Variants in ARID1B observed in about 807,000 individuals in gnomAD.
ARID1B encodes AT-rich interactive domain-containing protein 1B.
In ARID1B, 30 loss-of-function variants were observed where a neutral mutation model predicts 212.3. The ratio of observed to expected loss-of-function variants is 0.14; its 90% CI spans 0.11 to 0.19. The LOEUF (loss-of-function observed/expected upper bound fraction) is 0.19, where lower values mean the gene tolerates loss of function less well. Ranked by LOEUF, ARID1B falls within the 10% of genes least tolerant of loss-of-function variation. The pLI, the probability that ARID1B is intolerant of heterozygous loss-of-function variation, is 1.00. For missense variants in ARID1B, 2,891 were observed against 3,204.0 expected, an observed-to-expected ratio of 0.90 and a Z score of 2.36; for synonymous variants, 1,402 against 1,301.7, an observed-to-expected ratio of 1.08 and a Z score of -1.66.
intron 2 of ARID1B, among the ~76,000 whole-genome samples, chr6:156,858,878 G>A (rs1316212341): frequency 6.6e-6 from 1 of 152,190 alleles, no homozygotes; most frequent in Non-Finnish European, 1.5e-5. Context: ...TGGTTCACCT[G>A]TGTAGGGCAC....
rs574321320 is a variant in ARID1B, at chr6:156,948,272, C to T, written c.2247+12696C>T. ...AGACAGAGTCTTGCTCTGTCACCTA[C>T]GCTGGAGTGCAAGGGCATGATCATA... On this transcript the variant is annotated intron_variant, in intron 4 of 19. Transcript: ENST00000636930. Among the ~76,000 whole-genome samples, 19 of 152,300 alleles carry T rather than the reference C, an allele frequency of 1.2e-4. No individual in the cohort carries two copies. The East Asian group carries it at 3.5e-3, about 28-fold the overall frequency.
At chr6:156,802,483 T>A (rs1481123797) in intron 1 of ARID1B, among the ~76,000 whole-genome samples, 2 of 152,216 alleles carry the variant, frequency 1.3e-5, no homozygotes, top group Non-Finnish European at 2.9e-5. Flanking sequence ...AATCATATAC[T>A]TTTTAGTTTT....
intron 3 of ARID1B, among the ~76,000 whole-genome samples, chr6:156,914,045 G>A (rs1428247326): frequency 7.5e-5 from 7 of 93,028 alleles, no homozygotes; most frequent in Non-Finnish European, 2.1e-5. Flanking sequence ...CTCTACTCCC[G>A]AACTGCCAGC....
intron 2 of ARID1B, among the ~76,000 whole-genome samples, chr6:156,888,274 A>G (rs1213123375): frequency 2.0e-5 from 3 of 152,190 alleles, no homozygotes; most frequent in Non-Finnish European, 4.4e-5. Context: ...CTCCTCTGTA[A>G]TTCCCATCAC....
At chr6:157,180,887 A>T (rs2128316168) in intron 11 of ARID1B, 82 bp from the exon 12 acceptor site, 1 of 1,139,596 alleles carries the variant, frequency 8.8e-7, no homozygotes, top group African/African-American at 1.5e-5. Context: ...TGTATTTGTT[A>T]GCTCATTACT....
chr6:156,905,701 TTCTC>T (rs1338527332), intron 3 of ARID1B, among the ~76,000 whole-genome samples: 1 of 152,212 alleles, frequency 6.6e-6, no homozygotes, highest in Non-Finnish European at 1.5e-5. Context: ...ATTGTACTGT[TTCTC>T]TATTATCTTT....
chr6:156,940,970 C>T (rs2128285483), intron 4 of ARID1B: 1 of 152,222 alleles, frequency 6.6e-6, no homozygotes, highest in African/African-American at 2.4e-5. Flanking sequence ...TATTTTGAAA[C>T]CTTTTTATTT....
chr6:156,962,298 C>CA (rs1176239539), intron 4 of ARID1B, among the ~76,000 whole-genome samples: 9 of 151,424 alleles, frequency 5.9e-5, no homozygotes, highest in African/African-American at 1.9e-4. Context: ...GGCTCTGTCT[C>CA]AAAAAAAACT....
At chr6:157,039,729 T>TTCCG (rs1337615476) in intron 4 of ARID1B, among the ~76,000 whole-genome samples, 2 of 68,066 alleles carry the variant, frequency 2.9e-5, no homozygotes, top group East Asian at 5.2e-4. Context: ...CTTTCTTTCT[T>TTCCG]TCCCTCCCTC....
At chr6:157,167,221 C>G (rs759659111) in intron 9 of ARID1B, 36 bp downstream of exon 9, 1 of 1,587,130 alleles carries the variant, frequency 6.3e-7, no homozygotes, top group East Asian at 2.3e-5. Context: ...GAGCCCCTCT[C>G]TCTCCCCTCT....
chr6:156,795,836 C>G (rs917161301), intron 1 of ARID1B, among the ~76,000 whole-genome samples: 1 of 152,076 alleles, frequency 6.6e-6, no homozygotes, highest in Non-Finnish European at 1.5e-5. Context: ...CCAACTATTC[C>G]TCTCTTCTAA....
chr6:156,865,778 T>A (rs1237292886), intron 2 of ARID1B, among the ~76,000 whole-genome samples: 2 of 152,122 alleles, frequency 1.3e-5, no homozygotes, highest in African/African-American at 4.8e-5. Flanking sequence ...TTTCTGTTCC[T>A]CTAAGACTGC....
At chr6:156,990,329 C>T (rs986429847) in intron 4 of ARID1B, among the ~76,000 whole-genome samples, 27 of 151,986 alleles carry the variant, frequency 1.8e-4, no homozygotes, top group African/African-American at 2.4e-5. Flanking sequence ...CACACCACCA[C>T]ACCGGGCTAA....
chr6:157,115,468 C>T (rs1057033055), intron 6 of ARID1B, among the ~76,000 whole-genome samples: 1 of 152,110 alleles, frequency 6.6e-6, no homozygotes, highest in Non-Finnish European at 1.5e-5. Context: ...GCTCTGTGAC[C>T]CAGGCTGGAG....
chr6:157,161,088 A>G (rs17165188), intron 8 of ARID1B, among the ~76,000 whole-genome samples: 26,353 of 152,198 alleles, frequency 0.17, 3,334 homozygotes, highest in African/African-American at 0.36. Flanking sequence ...AACTGTCAAC[A>G]AAGCAGTAGG....
chr6:156,904,024 T>C (rs576240424), intron 3 of ARID1B, among the ~76,000 whole-genome samples: 29 of 152,298 alleles, frequency 1.9e-4, no homozygotes, highest in African/African-American at 7.0e-4. Context: ...TTTGAAAAAA[T>C]AAAAAGTACA....
Position 157,183,398 on chromosome 6 carries a change from T to C in ARID1B, c.3715-833T>C, listed in dbSNP as rs139821898. ...TTTAATATTTCATTAAAAACCACTG[T>C]CCCCTTACCTCCTCCCTTGCCACAC... is the stretch of plus-strand genomic sequence containing the variant. On this transcript the variant is annotated intron_variant, in intron 12 of 19. Coordinates refer to ENST00000636930, the MANE Select transcript of ARID1B (RefSeq NM_001374828.1). Among the ~76,000 whole-genome samples the C allele has an allele frequency of 9.0e-3, 1,374 of 152,168 alleles. 16 individuals are homozygous for C. The highest frequency in any genetic ancestry group is 0.031 in the African/African-American group (1,284 of 41,500).
At chr6:156,784,208 G>T (rs1779477461) in intron 1 of ARID1B, among the ~76,000 whole-genome samples, 1 of 152,018 alleles carries the variant, frequency 6.6e-6, no homozygotes, top group Non-Finnish European at 1.5e-5. Flanking sequence ...GGTTTTTGCA[G>T]GTTCTCTGTG....
At chr6:157,057,213 G>A (rs1783023070) in intron 4 of ARID1B, among the ~76,000 whole-genome samples, 2 of 151,882 alleles carry the variant, frequency 1.3e-5, no homozygotes, top group Admixed American at 1.3e-4. Context: ...AGCCAGGATG[G>A]TCTCAATCTC....
Sources: gnomAD v4.1 joint callset for allele counts (sites outside exome capture counted in the v4.1 genomes callset) on GRCh38, gnomAD v4.1.1 for gene constraint, MANE v1.5 for transcripts, NCBI Gene and HGNC (gene_info 2026-07-23, HGNC 2026-07-21) for gene names.